The following XYLT1 variants were observed in gnomAD, a reference collection of about 807,000 sequenced individuals.
XYLT1 encodes the protein xylosyltransferase 1, also known as beta-D-xylosyltransferase 1.
XYLT1 carries 36 observed loss-of-function variants against 91.3 expected under a neutral mutation model. The ratio of observed to expected loss-of-function variants is 0.39; its 90% confidence interval spans 0.30 to 0.52. The LOEUF is 0.52. Ranked by LOEUF, XYLT1 falls within the 20% of genes least tolerant of loss-of-function variation. The pLI, the probability that XYLT1 is intolerant of heterozygous loss-of-function variation, is 0.68. For missense variants in XYLT1, 1,242 were observed against 1,284.5 expected (o/e 0.97, Z 0.51); for synonymous variants, 588 against 532.0 (o/e 1.11, Z -1.45).
chr16:17,422,654 T>C (rs573453479), intron 1 of XYLT1, among the ~76,000 whole-genome samples: 1 of 152,152 alleles, frequency 6.6e-6, no homozygotes, highest in African/African-American at 2.4e-5. Context: ...ATTAAAGGCA[T>C]GCAACACCAC....
At chr16:17,144,086 GA>G (rs1337031829) in intron 6 of XYLT1, among the ~76,000 whole-genome samples, 3 of 152,190 alleles carry the variant, frequency 2.0e-5, no homozygotes, top group Non-Finnish European at 4.4e-5. Flanking sequence ...ACAGGTGTAT[GA>G]ACTCAGCAAC....
At chr16:17,337,768 A>AATTTTTCTTTTT (rs1272127217) in intron 2 of XYLT1, among the ~76,000 whole-genome samples, 12 of 102,548 alleles carry the variant, frequency 1.2e-4, no homozygotes, top group Non-Finnish European at 1.2e-4. Context: ...TCTGTTCCAC[A>AATTTTTCTTTTT]TTTTTTCTTT....
At chr16:17,161,152 G>T (rs2031540522) in intron 5 of XYLT1, among the ~76,000 whole-genome samples, 1 of 152,216 alleles carries the variant, frequency 6.6e-6, no homozygotes, top group African/African-American at 2.4e-5. Flanking sequence ...ATCCCAGAAA[G>T]CGCCTTTCAG....
At chr16:17,378,091 T>C (rs989249136) in intron 1 of XYLT1, among the ~76,000 whole-genome samples, 4 of 151,796 alleles carry the variant, frequency 2.6e-5, no homozygotes, top group African/African-American at 9.7e-5. Context: ...TTTCCTCCAC[T>C]AGGCATGGGG....
chr16:17,307,864 AAGGGTTAAAGGTGCACCACCTT>A (rs1202983216), intron 2 of XYLT1, among the ~76,000 whole-genome samples: 20 of 152,298 alleles, frequency 1.3e-4, no homozygotes, highest in African/African-American at 4.6e-4. Flanking sequence ...GAGGGCAGTG[AAGGGTTAAAGGTGCACCACCTT>A]CCTCTGCTGG....
intron 1 of XYLT1, among the ~76,000 whole-genome samples, chr16:17,459,577 A>AC (rs1368757835): frequency 1.3e-5 from 2 of 152,084 alleles, no homozygotes; most frequent in African/African-American, 4.8e-5. Flanking sequence ...ATAAATCCTT[A>AC]CCCCTGAATA....
At chr16:17,366,912 G>GA (rs766000755) in intron 1 of XYLT1, among the ~76,000 whole-genome samples, 5 of 152,120 alleles carry the variant, frequency 3.3e-5, no homozygotes, top group Non-Finnish European at 5.9e-5. Context: ...TCTTGAACTG[G>GA]AATCATTAAA....
chr16:17,454,915 C>A (rs1282868986), intron 1 of XYLT1, among the ~76,000 whole-genome samples: 1 of 93,958 alleles, frequency 1.1e-5, no homozygotes, highest in Non-Finnish European at 2.1e-5. Flanking sequence ...CCCCCCCCGC[C>A]CCCCCCCGCA....
intron 2 of XYLT1, among the ~76,000 whole-genome samples, chr16:17,292,314 C>T (rs569686636): frequency 6.6e-6 from 1 of 152,236 alleles, no homozygotes; most frequent in South Asian, 2.1e-4. Context: ...TCCTAGCAGG[C>T]AATGCAAAGA....
At chr16:17,343,187 G>A (rs181753323) in intron 2 of XYLT1, among the ~76,000 whole-genome samples, 40 of 152,280 alleles carry the variant, frequency 2.6e-4, no homozygotes, top group African/African-American at 9.4e-4. Context: ...ATGTTACAAC[G>A]TCAGCCCCTG....
chr16:17,256,784 C>T (rs968622967), intron 3 of XYLT1, among the ~76,000 whole-genome samples: 1 of 152,188 alleles, frequency 6.6e-6, no homozygotes, highest in Non-Finnish European at 1.5e-5. Flanking sequence ...GACCATTTGC[C>T]TTCTCAGGAG....
intron 1 of XYLT1, among the ~76,000 whole-genome samples, chr16:17,464,918 G>A (rs373848797): frequency 1.2e-3 from 183 of 151,930 alleles, no homozygotes; most frequent in Non-Finnish European, 1.1e-3. Context: ...AGGCCGAGGC[G>A]GGCGGATCAC....
intron 1 of XYLT1, among the ~76,000 whole-genome samples, chr16:17,468,613 G>A (rs140957325): frequency 4.7e-4 from 71 of 152,278 alleles, no homozygotes; most frequent in Non-Finnish European, 9.0e-4. Context: ...ACACTGAGCC[G>A]AGCACACAGA....
At chr16:17,341,447 T>G (rs907803235) in intron 2 of XYLT1, among the ~76,000 whole-genome samples, 11 of 152,156 alleles carry the variant, frequency 7.2e-5, no homozygotes, top group Admixed American at 3.3e-4. Flanking sequence ...CAAGTTACCA[T>G]AAAATATGTT....
intron 3 of XYLT1, among the ~76,000 whole-genome samples, chr16:17,252,427 G>A (rs1396957035): frequency 6.6e-6 from 1 of 152,074 alleles, no homozygotes; most frequent in African/African-American, 2.4e-5. Flanking sequence ...GAGACCCTAG[G>A]GTGTGTGGCT....
intron 3 of XYLT1, among the ~76,000 whole-genome samples, chr16:17,258,549 G>A (rs942045610): frequency 6.6e-6 from 1 of 151,966 alleles, no homozygotes; most frequent in Admixed American, 6.6e-5. Flanking sequence ...TTTTGATGAA[G>A]GAAAACGGAA....
At position 17,222,458 on chromosome 16, in the gene XYLT1, C is replaced by T. The variant is rs115978581; in HGVS notation, c.914-21804G>A. Among the ~76,000 whole-genome samples, 238 of 152,226 alleles carry T rather than the reference C, an allele frequency of 1.6e-3. 1 individual carries two copies. Among genetic ancestry groups the T allele is most frequent in the African/African-American group, 5.5e-3 (228 of 41,548 alleles). On this transcript the variant is annotated intron_variant, in intron 3 of 11. Coordinates refer to ENST00000261381, the MANE Select transcript of XYLT1 (RefSeq NM_022166.4). ...CAAGGTTGAGAAACTGCTTGAAACC[C>T]GTGATCCTGAAAAAGATTGTCTGAG...
chr16:17,172,871 C>T (rs1371438793), intron 5 of XYLT1, among the ~76,000 whole-genome samples: 1 of 152,096 alleles, frequency 6.6e-6, no homozygotes, highest in Non-Finnish European at 1.5e-5. Context: ...GACATTTAAG[C>T]CCGGGTTTTA....
At chr16:17,450,848 G>A (rs2036657074) in intron 1 of XYLT1, among the ~76,000 whole-genome samples, 2 of 152,214 alleles carry the variant, frequency 1.3e-5, no homozygotes, top group Non-Finnish European at 2.9e-5. Flanking sequence ...GCTGAGGGGA[G>A]TGTAAGACAC....
Sources: gnomAD v4.1 joint callset for allele counts (sites outside exome capture counted in the v4.1 genomes callset) on GRCh38, gnomAD v4.1.1 for gene constraint, MANE v1.5 for transcripts, NCBI Gene and HGNC (gene_info 2026-07-23, HGNC 2026-07-21) for gene names.